The following TDRD3 variants were observed in gnomAD, a reference collection of about 807,000 sequenced individuals.
TDRD3 encodes the protein tudor domain-containing protein 3.
Under a neutral mutation model 86.7 loss-of-function variants are expected in TDRD3, and 45 were observed. The observed-to-expected ratio is 0.52, with a 90% CI of 0.41 to 0.67. The LOEUF (loss-of-function observed/expected upper bound fraction) is 0.67, where lower values mean the gene tolerates loss of function less well. Ranked by LOEUF, TDRD3 falls within the 30% of genes least tolerant of loss-of-function variation. The pLI is 0.00. For missense variants in TDRD3, 814 were observed against 889.0 expected (o/e 0.92, Z 1.07); for synonymous variants, 298 against 301.7 (o/e 0.99, Z 0.13).
intron 8 of TDRD3, among the ~76,000 whole-genome samples, chr13:60,502,559 C>G (rs1005300867): frequency 6.6e-6 from 1 of 152,152 alleles, no homozygotes; most frequent in Non-Finnish European, 1.5e-5. Flanking sequence ...TGATGGAACT[C>G]TGTTCCACAA....
At chr13:60,553,479 T>C (rs2137912332) in intron 12 of TDRD3, among the ~76,000 whole-genome samples, 1 of 152,134 alleles carries the variant, frequency 6.6e-6, no homozygotes, top group Admixed American at 6.5e-5. Flanking sequence ...ACTCTGCTGG[T>C]ACCAATTCTC....
intron 10 of TDRD3, among the ~76,000 whole-genome samples, 181 bp downstream of exon 10, chr13:60,510,936 C>A (rs533281035): frequency 6.6e-6 from 1 of 151,790 alleles, no homozygotes; most frequent in African/African-American, 2.4e-5. Flanking sequence ...AACATAATGG[C>A]AGCTTATTTT....
chr13:60,556,652 C>T (rs1958193529), intron 12 of TDRD3, among the ~76,000 whole-genome samples: 1 of 151,962 alleles, frequency 6.6e-6, no homozygotes, highest in African/African-American at 2.4e-5. Context: ...TTATATATTG[C>T]CTAATAGAGT....
At chr13:60,437,366 T>A (rs1594932842) in intron 1 of TDRD3, among the ~76,000 whole-genome samples, 1 of 151,988 alleles carries the variant, frequency 6.6e-6, no homozygotes, top group Middle Eastern at 3.4e-3. Flanking sequence ...CTTCAGGTGA[T>A]CCACCTGCCT....
intron 7 of TDRD3, among the ~76,000 whole-genome samples, chr13:60,486,362 CAG>C (rs1281170722): frequency 6.6e-6 from 1 of 152,038 alleles, no homozygotes; most frequent in Non-Finnish European, 1.5e-5. Context: ...GAATAAAAAT[CAG>C]CGGATCTGTC....
intron 5 of TDRD3, among the ~76,000 whole-genome samples, chr13:60,474,179 GTCC>G (rs1221445159): frequency 6.6e-6 from 1 of 152,142 alleles, no homozygotes; most frequent in African/African-American, 2.4e-5. Context: ...GGCGTAAGCT[GTCC>G]TCTCTCTCTC....
rs543325950 is a variant in TDRD3 at position 60,441,840 on chromosome 13, T to G, written c.126+2068T>G. On this transcript the variant is annotated intron_variant, in intron 2 of 13. Transcript: ENST00000377881. ...ATAGTGTTTCTCTCCAGGGAAGCCC[T>G]CTGAAGACTAATACCCAAGGCCTTT... 1.8e-3 allele frequency among the ~76,000 whole-genome samples: 277 copies of G among 152,284 alleles called. 4 individuals carry two copies. The highest frequency in any genetic ancestry group is 2.2e-3 in the Non-Finnish European group (152 of 68,024).
At chr13:60,406,156 A>C (rs1954229052) in intron 1 of TDRD3, among the ~76,000 whole-genome samples, 1 of 152,204 alleles carries the variant, frequency 6.6e-6, no homozygotes, top group Non-Finnish European at 1.5e-5. Context: ...CCAATCTTGC[A>C]CTCAGAAGAG....
At chr13:60,425,766 C>G (rs956744411) in intron 1 of TDRD3, among the ~76,000 whole-genome samples, 12 of 151,946 alleles carry the variant, frequency 7.9e-5, no homozygotes, top group Admixed American at 2.0e-4. Context: ...TCCTCTTCTT[C>G]CTCCTCCTCA....
At chr13:60,468,745 T>C (rs1310698821) in intron 5 of TDRD3, among the ~76,000 whole-genome samples, 1 of 152,126 alleles carries the variant, frequency 6.6e-6, no homozygotes, top group Non-Finnish European at 1.5e-5. Flanking sequence ...CTTTTTGCAA[T>C]CTCCAAAGCA....
At chr13:60,530,801 C>A (rs1957567414) in intron 11 of TDRD3, among the ~76,000 whole-genome samples, 1 of 151,906 alleles carries the variant, frequency 6.6e-6, no homozygotes, top group Non-Finnish European at 1.5e-5. Flanking sequence ...AAGGATGTGC[C>A]TATGAGAGTG....
chr13:60,569,447 A>C (rs776061470), intron 13 of TDRD3, among the ~76,000 whole-genome samples: 2 of 152,172 alleles, frequency 1.3e-5, no homozygotes, highest in Non-Finnish European at 2.9e-5. Context: ...CTGAAAAGAT[A>C]CTCCATGTTC....
chr13:60,505,486 T>C (rs967564226), intron 8 of TDRD3, among the ~76,000 whole-genome samples: 2 of 152,080 alleles, frequency 1.3e-5, no homozygotes, highest in Non-Finnish European at 1.5e-5. Context: ...ACAGAGCAAC[T>C]GGGGGAAGGG....
intron 7 of TDRD3, among the ~76,000 whole-genome samples, chr13:60,490,994 A>G (rs921466231): frequency 2.6e-5 from 4 of 151,982 alleles, no homozygotes; most frequent in African/African-American, 7.2e-5. Flanking sequence ...GCGCATGCCT[A>G]TAATCCCAGC....
In TDRD3 at chr13:60,419,349, CTATT is replaced by C. The variant is rs1346089030; in HGVS notation, c.42-20337_42-20334del. Among the ~76,000 whole-genome samples, 16 of 152,186 alleles carry C rather than the reference CTATT, an allele frequency of 1.1e-4. 1 individual carries two copies. In the South Asian group the frequency reaches 3.3e-3, roughly 32 times the overall value. On this transcript the variant is annotated intron_variant, in intron 1 of 13. Transcript: ENST00000377881. ...TGACTATTAGCTCTTCATAAAGTAT[CTATT>C]TGAGTCTTTTGTCCGTTAAGAATTT... is the stretch of plus-strand genomic sequence containing the variant.
At chr13:60,510,087 C>T (rs1029658964) in intron 9 of TDRD3, among the ~76,000 whole-genome samples, 168 bp downstream of exon 9, 4 of 152,150 alleles carry the variant, frequency 2.6e-5, no homozygotes, top group African/African-American at 9.7e-5. Context: ...GTCTCAGTCT[C>T]ATTGTCTTCA....
At position 60,423,266 on chromosome 13, in the gene TDRD3, C is replaced by T. The variant is rs376154565; in HGVS notation, c.42-16422C>T. 4.4e-4 allele frequency among the ~76,000 whole-genome samples: 67 copies of T among 152,240 alleles called. 2 individuals carry two copies. In the South Asian group the frequency reaches 0.013, roughly 30 times the overall value. ...AACTTTTATGCATCAAGAGATAGAG[C>T]AACTGGCTTTCTGAAACAGAAACTT... On this transcript the variant is annotated intron_variant, in intron 1 of 13. Coordinates refer to ENST00000377881, the MANE Select transcript of TDRD3 (RefSeq NM_001146070.2).
chr13:60,545,327 AG>A (rs1414234105), intron 12 of TDRD3, among the ~76,000 whole-genome samples: 1 of 152,152 alleles, frequency 6.6e-6, no homozygotes. Flanking sequence ...TAGACTTTTC[AG>A]AAACTTCTAT....
chr13:60,516,988 T>C (rs914421136), intron 10 of TDRD3, among the ~76,000 whole-genome samples: 6 of 152,224 alleles, frequency 3.9e-5, no homozygotes, highest in African/African-American at 1.4e-4. Context: ...TATATTGTTT[T>C]TATGGTGTTC....
Sources: gnomAD v4.1 joint callset for allele counts (sites outside exome capture counted in the v4.1 genomes callset) on GRCh38, gnomAD v4.1.1 for gene constraint, MANE v1.5 for transcripts, NCBI Gene and HGNC (gene_info 2026-07-23, HGNC 2026-07-21) for gene names.